PDS5B: variants seen among roughly 807,000 people sequenced by gnomAD.
The protein encoded by PDS5B is PDS5 cohesin associated factor B.
Under a neutral mutation model 184.1 loss-of-function variants are expected in PDS5B, and 51 were observed. The ratio of observed to expected loss-of-function variants is 0.28; its 90% CI spans 0.22 to 0.35. PDS5B has a LOEUF of 0.35. Among genes scored for constraint, PDS5B ranks in the 10% least tolerant of loss-of-function variants. The probability of loss-of-function intolerance (pLI) is 1.00; values close to 1 mark genes in which losing one functional copy is unlikely to be tolerated. For missense variants in PDS5B, 1,180 were observed against 1,723.3 expected (o/e 0.68, Z 5.58); for synonymous variants, 566 against 569.2 (o/e 0.99, Z 0.08).
rs941150851 is a variant in PDS5B, at chr13:32,681,017, C to T, written c.1057+2088C>T. ...TGCTGTCATGTTAGGTTACATAGGC[C>T]GCAAAGGATTTATACTGACTGAGTA... is the stretch of plus-strand genomic sequence containing the variant. On this transcript the variant is annotated intron_variant, in intron 10 of 34. Coordinates refer to ENST00000315596, the MANE Select transcript of PDS5B (RefSeq NM_015032.4). Among the ~76,000 whole-genome samples the T allele has an allele frequency of 5.9e-5, 9 of 152,132 alleles. No individual in the cohort carries two copies. The South Asian group carries it at 8.3e-4, about 14-fold the overall frequency.
chr13:32,716,335 C>T lies in PDS5B; in HGVS notation c.2123+6229C>T, dbSNP rs1413330593. Among the ~76,000 whole-genome samples the T allele has an allele frequency of 5.3e-5, 8 of 151,018 alleles. No individual in the cohort carries two copies. In the South Asian group the frequency reaches 6.3e-4, roughly 12 times the overall value. On this transcript the variant is annotated intron_variant, in intron 19 of 34. Transcript: ENST00000315596. ...GCCGCCCCATCTGGGATGTGAGGAG[C>T]GCCCCTGCCCGGCTGCGACCCCGTC...
chr13:32,769,790 G>C (rs1740452909), intron 31 of PDS5B, among the ~76,000 whole-genome samples: 1 of 152,082 alleles, frequency 6.6e-6, no homozygotes, highest in African/African-American at 2.4e-5. Flanking sequence ...TTGTCATTTA[G>C]GACCAAGCAC....
intron 1 of PDS5B, among the ~76,000 whole-genome samples, chr13:32,619,203 T>C (rs1229642046): frequency 2.0e-5 from 3 of 152,206 alleles, no homozygotes; most frequent in South Asian, 4.1e-4. Flanking sequence ...CTTTATGATA[T>C]TGAGCATCTT....
At chr13:32,759,110 A>T (rs1244733418) in intron 28 of PDS5B, among the ~76,000 whole-genome samples, 1 of 152,244 alleles carries the variant, frequency 6.6e-6, no homozygotes, top group African/African-American at 2.4e-5. Context: ...AGATGTAAAA[A>T]GTGTTTCCCA....
intron 7 of PDS5B, among the ~76,000 whole-genome samples, chr13:32,671,166 G>C (rs1464141385): frequency 6.6e-6 from 1 of 152,038 alleles, no homozygotes; most frequent in African/African-American, 2.4e-5. Context: ...TATATTCTAT[G>C]CCTCCTCTGT....
In PDS5B at chr13:32,687,208, A is replaced by G. The variant is rs1409449533; in HGVS notation, c.1278A>G (p.Gly426=). ...AATATGCTTTACAGTCAGCAGCTGGAAAAGATGCTGCAAAACAGATAGCAT... is the reference window on the plus strand; with the variant it reads ...AATATGCTTTACAGTCAGCAGCTGGGAAAGATGCTGCAAAACAGATAGCAT... The part of the protein sequence containing the change: ...YKKYALQSAA[G]KDAAKQIAWI... Residue 426 remains glycine, a synonymous_variant, in exon 12 of 35, where the codon GGA becomes GGG. Transcript: ENST00000315596. The G allele has an allele frequency of 8.1e-6, 13 of 1,606,832 alleles. No individual in the cohort carries two copies. The Admixed American group carries it at 1.5e-4, about 19-fold the overall frequency.
intron 14 of PDS5B, among the ~76,000 whole-genome samples, chr13:32,694,825 T>A (rs1951656792): frequency 6.7e-6 from 1 of 148,422 alleles, no homozygotes; most frequent in Non-Finnish European, 1.5e-5. Context: ...CTTTTATCAA[T>A]CATTTAGAAT....
intron 22 of PDS5B, 142 bp downstream of exon 22, chr13:32,741,290 G>C (rs1953540061): frequency 1.9e-6 from 1 of 525,722 alleles, no homozygotes; most frequent in Non-Finnish European, 3.4e-6. Flanking sequence ...TATGTGCTGT[G>C]AGACTATAGG....
In PDS5B at chr13:32,728,920, A is replaced by G. The variant is rs577098619; in HGVS notation, c.2124-3181A>G. ...TTTTTCATGCATTTTAGGGTAATTT[A>G]TATGTCTTCTTTTTTAAAAAAATTA... On this transcript the variant is annotated intron_variant, in intron 19 of 34. Transcript: ENST00000315596. Among the ~76,000 whole-genome samples the G allele has an allele frequency of 5.9e-5, 9 of 152,230 alleles. No homozygotes were observed. The South Asian group carries it at 1.2e-3, about 21-fold the overall frequency.
At chr13:32,758,257 G>T in intron 27 of PDS5B, 38 bp downstream of exon 27, 1 of 1,424,442 alleles carries the variant, frequency 7.0e-7, no homozygotes, top group Non-Finnish European at 9.4e-7. Context: ...GTTCCATATT[G>T]ATTTAAAAAT....
chr13:32,590,824 GAGTTGCAGGGGCA>G (rs991282366), intron 1 of PDS5B, among the ~76,000 whole-genome samples: 32 of 152,034 alleles, frequency 2.1e-4, no homozygotes, highest in Admixed American at 1.7e-3. Context: ...GTGGGGGTGA[GAGTTGCAGGGGCA>G]AGTTGCAGGG....
intron 9 of PDS5B, among the ~76,000 whole-genome samples, chr13:32,677,468 G>A (rs1038984239): frequency 6.6e-6 from 1 of 151,910 alleles, no homozygotes; most frequent in African/African-American, 2.4e-5. Context: ...AACTTACACA[G>A]TATTAAATAA....
At chr13:32,760,420 A>G (rs996508873) in intron 29 of PDS5B, among the ~76,000 whole-genome samples, 155 bp from the exon 30 acceptor site, 2 of 152,170 alleles carry the variant, frequency 1.3e-5, no homozygotes, top group Admixed American at 6.5e-5. Context: ...TGTTCAAGTG[A>G]TATTTAGTTT....
At chr13:32,725,264 T>TA (rs1382276083) in intron 19 of PDS5B, among the ~76,000 whole-genome samples, 2 of 152,186 alleles carry the variant, frequency 1.3e-5, no homozygotes, top group East Asian at 1.9e-4. Context: ...GTGTCGTTTT[T>TA]AAAAAAATCA....
intron 13 of PDS5B, chr13:32,691,300 C>A (rs995872739): frequency 6.6e-6 from 1 of 151,724 alleles, no homozygotes; most frequent in Non-Finnish European, 1.5e-5. Flanking sequence ...ATTCTATTTC[C>A]AAGATTCAGT....
At chr13:32,733,493 A>G (rs906301570) in intron 20 of PDS5B, among the ~76,000 whole-genome samples, 4 of 152,188 alleles carry the variant, frequency 2.6e-5, no homozygotes, top group Non-Finnish European at 4.4e-5. Context: ...AAGATGTGCA[A>G]TGGAAGTACT....
At chr13:32,689,769 A>T (rs1951495353) in intron 13 of PDS5B, 1 of 152,166 alleles carries the variant, frequency 6.6e-6, no homozygotes, top group Non-Finnish European at 1.5e-5. Context: ...TTTTCTCTGG[A>T]ATTGAAATAC....
In PDS5B at chr13:32,655,375, T is replaced by TATATATA. The variant is rs1555296358; in HGVS notation, c.313-2864_313-2863insATATATA. On this transcript the variant is annotated intron_variant, in intron 3 of 34. Transcript: ENST00000315596. ...GTTCTTTGCCATATATATATATATA[T>TATATATA]TTTTTTTTTTTTTTTTTTTTTTAGA... Among the ~76,000 whole-genome samples, 223 of 50,864 alleles carry TATATATA rather than the reference T, an allele frequency of 4.4e-3. 4 individuals carry two copies. The highest frequency in any genetic ancestry group is 0.018 in the African/African-American group (174 of 9,652). 33.4% of individuals were successfully genotyped at this position (50,864 alleles called of 152,430 possible).
intron 17 of PDS5B, among the ~76,000 whole-genome samples, chr13:32,704,537 A>G (rs142974367): frequency 2.0e-5 from 3 of 152,326 alleles, no homozygotes; most frequent in East Asian, 1.9e-4. Context: ...GTCTTTTTCA[A>G]AGGCACATGG....
Sources: allele counts gnomAD v4.1 joint callset (sites outside exome capture counted in the v4.1 genomes callset), GRCh38; gene constraint gnomAD v4.1.1; transcripts MANE v1.5; gene names NCBI Gene and HGNC (gene_info 2026-07-23, HGNC 2026-07-21).